The following STEAP2 variants were observed in gnomAD, a reference collection of about 807,000 sequenced individuals.
STEAP2 encodes metalloreductase STEAP2.
STEAP2 carries 30 observed loss-of-function variants against 46.4 expected under a neutral mutation model. The ratio of observed to expected loss-of-function variants is 0.65; its 90% CI spans 0.48 to 0.88. The LOEUF (loss-of-function observed/expected upper bound fraction) is 0.88, where lower values mean the gene tolerates loss of function less well. Ranked by LOEUF, STEAP2 falls within the 40% of genes least tolerant of loss-of-function variation. The pLI, the probability that STEAP2 is intolerant of heterozygous loss-of-function variation, is 0.00. For synonymous variants in STEAP2, 180 were observed against 200.5 expected (o/e 0.90, Z 0.86); for missense variants, 513 against 579.3 (o/e 0.89, Z 1.18).
chr7:90,222,560 A>G (rs1795295616), intron 2 of STEAP2, among the ~76,000 whole-genome samples: 1 of 152,108 alleles, frequency 6.6e-6, no homozygotes, highest in African/African-American at 2.4e-5. Context: ...TAAATTAATT[A>G]TCTTCTGCAG....
chr7:90,239,100 C>A (rs1796027915), downstream of STEAP2, among the ~76,000 whole-genome samples: 2 of 152,132 alleles, frequency 1.3e-5, no homozygotes, highest in African/African-American at 4.8e-5. Context: ...AACTGTGTTT[C>A]CTCAAAATTG....
chr7:90,235,843 A>G lies in STEAP2; in HGVS notation c.*3219A>G, dbSNP rs1001829694. On this transcript the variant is annotated 3_prime_UTR_variant, in exon 6 of 6. Coordinates refer to ENST00000394621, the MANE Select transcript of STEAP2 (RefSeq NM_001244944.2). Reference sequence around the variant, plus strand: ...TTTTATTTGAATTGTAAAATATTTAAAAGTATGAATAAAATATATTTATAG... The same window carrying G: ...TTTTATTTGAATTGTAAAATATTTAGAAGTATGAATAAAATATATTTATAG... 4 of 757,626 alleles carry G rather than the reference A, an allele frequency of 5.3e-6. No individual in the cohort carries two copies. In the African/African-American group the frequency reaches 5.7e-5, roughly 11 times the overall value. 46.9% of individuals were successfully genotyped at this position (757,626 alleles called of 1,614,324 possible). A position where few individuals can be genotyped will look rare whatever the true frequency, so the allele number is the denominator to read the frequency against.
chr7:90,230,004 G>A lies in STEAP2; in HGVS notation c.1153G>A (p.Ala385Thr), dbSNP rs757831104. Residue 385 changes from alanine (A) to threonine (T), a missense_variant, in exon 5 of 6, where the codon GCT (alanine) becomes ACT (threonine). Transcript: ENST00000394621. ...AVTSIPSVSN[A>T]LNWREFSFIQ... The stretch of plus-strand genomic sequence containing the variant: ...CACTTCTATCCCTTCAGTGAGCAAT[G>A]CTTTAAACTGGAGAGAATTCAGTTT... The A allele has an allele frequency of 1.2e-6, 2 of 1,613,212 alleles. No individual in the cohort carries two copies. The highest frequency in any genetic ancestry group is 1.3e-5 in the African/African-American group (1 of 74,968).
Position 90,236,926 on chromosome 7 carries a change from G to C in STEAP2, c.*4302G>C. On this transcript the variant is annotated 3_prime_UTR_variant, in exon 6 of 6. Coordinates refer to ENST00000394621, the MANE Select transcript of STEAP2 (RefSeq NM_001244944.2). ...GCTTTGCAGATACCCAGACTGAGCT[G>C]GAACTGGAATTTGTCTTCCTATTGA... The C allele has an allele frequency of 6.2e-7, 1 of 1,614,048 alleles. No homozygotes were observed. The highest frequency in any genetic ancestry group is 8.5e-7 in the Non-Finnish European group (1 of 1,179,994).
At chr7:90,225,617 T>C (rs765865142) in intron 3 of STEAP2, 43 bp downstream of exon 3, 2 of 1,514,456 alleles carry the variant, frequency 1.3e-6, no homozygotes, top group South Asian at 1.4e-5. Flanking sequence ...TGGTATTTTG[T>C]AGTTAAACAA....
intron 2 of STEAP2, among the ~76,000 whole-genome samples, chr7:90,223,589 G>C (rs944298551): frequency 6.6e-6 from 1 of 152,156 alleles, no homozygotes; most frequent in Non-Finnish European, 1.5e-5. Flanking sequence ...ATATGCTTGC[G>C]CTCTGAACTC....
downstream of STEAP2, among the ~76,000 whole-genome samples, chr7:90,238,358 A>C (rs1206622323): frequency 6.6e-6 from 1 of 152,258 alleles, no homozygotes; most frequent in African/African-American, 2.4e-5. Flanking sequence ...AATTGCAGAC[A>C]AACAATAAAT....
chr7:90,243,382 A>T, the STEAP2 span, among the ~76,000 whole-genome samples: 1 of 152,198 alleles, frequency 6.6e-6, no homozygotes, highest in East Asian at 1.9e-4. Flanking sequence ...AAACAGATTA[A>T]AAGAGTTAGA....
At chr7:90,231,164 C>T (rs1042096972) in intron 5 of STEAP2, among the ~76,000 whole-genome samples, 4 of 151,644 alleles carry the variant, frequency 2.6e-5, no homozygotes, top group African/African-American at 4.8e-5. Flanking sequence ...AATAATTTAG[C>T]GAACTAAAGA....
chr7:90,215,522 G>A (rs936594525), intron 1 of STEAP2: 4 of 152,146 alleles, frequency 2.6e-5, no homozygotes, highest in African/African-American at 9.7e-5. Flanking sequence ...AGAAAACGAT[G>A]TCATTGACAC....
At chr7:90,231,951 A>G (rs1305093905) in intron 5 of STEAP2, among the ~76,000 whole-genome samples, 1 of 152,080 alleles carries the variant, frequency 6.6e-6, no homozygotes, top group Non-Finnish European at 1.5e-5. Context: ...AAAGTTGGAA[A>G]CAGTGAATTA....
downstream of STEAP2, among the ~76,000 whole-genome samples, chr7:90,242,890 C>G (rs1171864845): frequency 6.6e-6 from 1 of 152,064 alleles, no homozygotes; most frequent in African/African-American, 2.4e-5. Context: ...AATGTGGAAG[C>G]CTAGGCAAGG....
At position 90,234,917 on chromosome 7, in the gene STEAP2, G is replaced by C. The variant is rs1303839049; in HGVS notation, c.*2293G>C. The C allele has an allele frequency of 1.0e-6, 1 of 984,646 alleles. No individual in the cohort carries two copies. Among genetic ancestry groups the C allele is most frequent in the Non-Finnish European group, 1.2e-6 (1 of 829,464 alleles). 61.0% of individuals were successfully genotyped at this position (984,646 alleles called of 1,614,324 possible). On this transcript the variant is annotated 3_prime_UTR_variant, in exon 6 of 6. Transcript: ENST00000394621. Reference sequence around the variant, plus strand: ...ATTTTAATAATATTTCTCCCCACTTGAGAATCACTTGTTAGTTCTTGGTAG... The same window carrying C: ...ATTTTAATAATATTTCTCCCCACTTCAGAATCACTTGTTAGTTCTTGGTAG...
downstream of STEAP2, among the ~76,000 whole-genome samples, chr7:90,239,666 A>G (rs955676768): frequency 6.6e-5 from 10 of 152,292 alleles, no homozygotes; most frequent in South Asian, 2.1e-3. Flanking sequence ...ATGGAACTGA[A>G]GCTTTGGGTA....
downstream of STEAP2, among the ~76,000 whole-genome samples, chr7:90,241,162 A>C (rs1024726548): frequency 4.3e-5 from 6 of 140,430 alleles, no homozygotes; most frequent in Non-Finnish European, 7.5e-5. Flanking sequence ...ATGACAACAC[A>C]CATAAACATA....
chr7:90,217,912 T>C (rs1382225412), intron 2 of STEAP2, among the ~76,000 whole-genome samples: 1 of 152,206 alleles, frequency 6.6e-6, no homozygotes, highest in Non-Finnish European at 1.5e-5. Context: ...TTCCCTTTTC[T>C]CTGAATCGTT....
intron 1 of STEAP2, among the ~76,000 whole-genome samples, chr7:90,215,083 G>T (rs1292800690): frequency 6.6e-6 from 1 of 152,192 alleles, no homozygotes; most frequent in East Asian, 1.9e-4. Flanking sequence ...CAGGGAGAGG[G>T]TATGGTGAAG....
chr7:90,234,433 G>A lies in STEAP2; in HGVS notation c.*1809G>A, dbSNP rs1232072865. 1.0e-6 allele frequency: 1 copy of A among 984,746 alleles called. No individual in the cohort carries two copies. Among genetic ancestry groups the A allele is most frequent in the Non-Finnish European group, 1.2e-6 (1 of 829,706 alleles). The allele number at this position is 984,746 out of a possible 1,614,324, so 61.0% of individuals were successfully genotyped here. A position where few individuals can be genotyped will look rare whatever the true frequency, so the allele number is the denominator to read the frequency against. On this transcript the variant is annotated 3_prime_UTR_variant, in exon 6 of 6. Coordinates refer to ENST00000394621, the MANE Select transcript of STEAP2 (RefSeq NM_001244944.2). The stretch of plus-strand genomic sequence containing the variant: ...CCAACAATAAAAAGACTTTTATTTA[G>A]TAGAGGCTACCTTTCCCACCAGTGA...
chr7:90,228,455 C>G (rs1350873111), intron 4 of STEAP2, among the ~76,000 whole-genome samples: 1 of 152,064 alleles, frequency 6.6e-6, no homozygotes. Flanking sequence ...GTTGCTCAGT[C>G]AGCTCCCTTG....
Sources: gnomAD v4.1 joint callset for allele counts (sites outside exome capture counted in the v4.1 genomes callset) on GRCh38, gnomAD v4.1.1 for gene constraint, MANE v1.5 for transcripts, NCBI Gene and HGNC (gene_info 2026-07-23, HGNC 2026-07-21) for gene names.